SLC39A11: variants seen among roughly 807,000 people sequenced by gnomAD.
SLC39A11 encodes zinc transporter ZIP11.
Under a neutral mutation model 36.1 loss-of-function variants are expected in SLC39A11, and 33 were observed. The ratio of observed to expected loss-of-function variants is 0.91; its 90% CI spans 0.69 to 1.22. SLC39A11 has a LOEUF of 1.22. Among genes scored for constraint, SLC39A11 ranks in the 50% most tolerant of loss-of-function variants. The pLI, the probability that SLC39A11 is intolerant of heterozygous loss-of-function variation, is 0.00. For synonymous variants in SLC39A11, 166 were observed against 170.3 expected, an observed-to-expected ratio of 0.97 and a Z score of 0.20; for missense variants, 432 against 430.3, an observed-to-expected ratio of 1.00 and a Z score of -0.03.
intron 5 of SLC39A11, among the ~76,000 whole-genome samples, chr17:72,914,316 G>A (rs1047497260): frequency 7.4e-5 from 11 of 147,840 alleles, no homozygotes; most frequent in East Asian, 2.0e-4. Context: ...ACTCCATCTC[G>A]GGGGAAAAAA....
rs777751472 is a variant in SLC39A11 at position 72,993,782 on chromosome 17, T to TC, written c.306+37773dup. On this transcript the variant is annotated intron_variant, in intron 4 of 9. Transcript: ENST00000255559. The stretch of plus-strand genomic sequence containing the variant: ...TCTCTTCCTCCTCCCTCTCTTACTC[T>TC]CCTTCCAAAATTTAAGATTTTTTCC... Among the ~76,000 whole-genome samples the TC allele has an allele frequency of 6.4e-4, 98 of 152,060 alleles. 2 individuals carry two copies. Among genetic ancestry groups the TC allele is most frequent in the Non-Finnish European group, 2.5e-4 (17 of 68,016 alleles).
At position 72,707,243 on chromosome 17, in the gene SLC39A11, A is replaced by C. The variant is rs78072503; in HGVS notation, c.671+29407T>G. 3.1e-3 allele frequency among the ~76,000 whole-genome samples: 474 copies of C among 152,152 alleles called. 15 individuals are homozygous for C. In the East Asian group the frequency reaches 0.07, roughly 22 times the overall value. On this transcript the variant is annotated intron_variant, in intron 7 of 9. Transcript: ENST00000255559. ...AGGAAGACCCCCATTGCTACAAAAA[A>C]TGTTTCTTTAAGTAGCTGGGTGTAG...
At chr17:72,959,325 G>GTGTATATATATATATATA (rs1436484912) in intron 4 of SLC39A11, among the ~76,000 whole-genome samples, 2 of 65,546 alleles carry the variant, frequency 3.1e-5, no homozygotes, top group African/African-American at 1.4e-4. Flanking sequence ...GTGTGTGTGT[G>GTGTATATATATATATATA]TATATATATA....
At chr17:72,913,969 G>A (rs1436800349) in intron 5 of SLC39A11, among the ~76,000 whole-genome samples, 6 of 150,410 alleles carry the variant, frequency 4.0e-5, no homozygotes, top group African/African-American at 9.8e-5. Flanking sequence ...CCTCTGAGTC[G>A]GAACCCACAG....
At chr17:72,966,482 A>G (rs1053887188) in intron 4 of SLC39A11, among the ~76,000 whole-genome samples, 6 of 152,168 alleles carry the variant, frequency 3.9e-5, no homozygotes, top group South Asian at 2.1e-4. Context: ...GGGGTCCCCA[A>G]TCCCCAGGTC....
chr17:73,089,221 C>T (rs753954563), intron 1 of SLC39A11, among the ~76,000 whole-genome samples: 1 of 152,130 alleles, frequency 6.6e-6, no homozygotes, highest in Admixed American at 6.6e-5. Flanking sequence ...AACACGCTTC[C>T]AATCTTAATC....
chr17:72,766,497 T>C (rs944891657), intron 6 of SLC39A11, among the ~76,000 whole-genome samples: 3 of 152,212 alleles, frequency 2.0e-5, no homozygotes, highest in Non-Finnish European at 2.9e-5. Context: ...ATCCTTCTCC[T>C]GGCTTGTAGC....
intron 6 of SLC39A11, among the ~76,000 whole-genome samples, chr17:72,846,542 C>A (rs1315265362): frequency 1.3e-5 from 2 of 152,152 alleles, no homozygotes; most frequent in East Asian, 3.9e-4. Context: ...CTGGAGTCAA[C>A]AAACATTTGA....
intron 9 of SLC39A11, among the ~76,000 whole-genome samples, chr17:72,648,457 T>C (rs1459908094): frequency 1.3e-5 from 2 of 152,074 alleles, no homozygotes; most frequent in Non-Finnish European, 2.9e-5. Flanking sequence ...ATGTATCACC[T>C]TCACTGACAT....
intron 5 of SLC39A11, among the ~76,000 whole-genome samples, chr17:72,915,691 G>C (rs2083288755): frequency 6.6e-6 from 1 of 152,192 alleles, no homozygotes; most frequent in Non-Finnish European, 1.5e-5. Context: ...CTGGCAGTGG[G>C]CGAAAGCCGA....
chr17:73,067,567 C>G (rs1214009099), intron 3 of SLC39A11, among the ~76,000 whole-genome samples: 2 of 152,016 alleles, frequency 1.3e-5, no homozygotes, highest in Non-Finnish European at 2.9e-5. Context: ...GCAATGAAGA[C>G]GCTTATACAG....
intron 6 of SLC39A11, among the ~76,000 whole-genome samples, chr17:72,760,275 G>A (rs2567542): frequency 0.065 from 9,854 of 152,266 alleles, 642 homozygotes; most frequent in East Asian, 0.32. Context: ...CAATCCACCC[G>A]CCTTGGCCTC....
At chr17:72,862,764 G>T (rs543841955) in intron 5 of SLC39A11, among the ~76,000 whole-genome samples, 3 of 152,182 alleles carry the variant, frequency 2.0e-5, no homozygotes, top group African/African-American at 7.2e-5. Context: ...GCTGGAAGAT[G>T]AAGAGGCAAT....
At position 72,864,505 on chromosome 17, in the gene SLC39A11, G is replaced by A. The variant is rs367888319; in HGVS notation, c.431-14701C>T. ...GCCATGGGCTGTGAAAGGGTTAACC[G>A]GGGTCCCCTGTTACTGCAGTCGTGA... is the stretch of plus-strand genomic sequence containing the variant. On this transcript the variant is annotated intron_variant, in intron 5 of 9. Coordinates refer to ENST00000255559, the MANE Select transcript of SLC39A11 (RefSeq NM_139177.4). Among the ~76,000 whole-genome samples, 8 of 152,158 alleles carry A rather than the reference G, an allele frequency of 5.3e-5. No homozygotes were observed. In the East Asian group the frequency reaches 1.4e-3, roughly 26 times the overall value.
intron 6 of SLC39A11, among the ~76,000 whole-genome samples, chr17:72,760,452 C>T (rs532011336): frequency 6.6e-6 from 1 of 152,350 alleles, no homozygotes; most frequent in East Asian, 1.9e-4. Context: ...AGGCTGGACC[C>T]TGGGCTCTGA....
intron 3 of SLC39A11, among the ~76,000 whole-genome samples, chr17:73,049,923 G>A (rs2059437703): frequency 6.6e-6 from 1 of 152,204 alleles, no homozygotes; most frequent in South Asian, 2.1e-4. Context: ...AGGACTTTGA[G>A]ACCAGCTTGG....
chr17:72,914,208 C>T (rs1268192137), intron 5 of SLC39A11, among the ~76,000 whole-genome samples: 2 of 150,954 alleles, frequency 1.3e-5, no homozygotes, highest in African/African-American at 2.4e-5. Flanking sequence ...CCCAGCTACT[C>T]GGGAGGCTGA....
intron 4 of SLC39A11, among the ~76,000 whole-genome samples, chr17:72,970,632 T>C (rs562310325): frequency 6.6e-6 from 1 of 152,340 alleles, no homozygotes; most frequent in Admixed American, 6.5e-5. Flanking sequence ...AAGTCAGCTG[T>C]AATGCACCGG....
chr17:72,971,505 AT>A (rs1242766570), intron 4 of SLC39A11, among the ~76,000 whole-genome samples: 1 of 152,116 alleles, frequency 6.6e-6, no homozygotes, highest in Non-Finnish European at 1.5e-5. Context: ...CTGGGAATGC[AT>A]TTTCTCCCAC....
Sources: gnomAD v4.1 joint callset for allele counts (sites outside exome capture counted in the v4.1 genomes callset) on GRCh38, gnomAD v4.1.1 for gene constraint, MANE v1.5 for transcripts, NCBI Gene and HGNC (gene_info 2026-07-23, HGNC 2026-07-21) for gene names.